Variants in FOXN2 observed in about 807,000 individuals in gnomAD.
FOXN2 encodes the protein forkhead box protein N2.
FOXN2 carries 19 observed loss-of-function variants against 41.2 expected under a neutral mutation model. The ratio of observed to expected loss-of-function variants is 0.46; its 90% CI spans 0.32 to 0.68. The LOEUF (loss-of-function observed/expected upper bound fraction) is 0.68, where lower values mean the gene tolerates loss of function less well. Among genes scored for constraint, FOXN2 ranks in the 30% least tolerant of loss-of-function variants. The pLI is 0.03. For synonymous variants in FOXN2, 195 were observed against 176.8 expected (o/e 1.10, Z -0.82); for missense variants, 587 against 509.4 (o/e 1.15, Z -1.47).
rs1454492535 is a variant in FOXN2, at chr2:48,377,948, T to A, written c.*2505T>A. The A allele has an allele frequency of 6.6e-6, 1 of 152,036 alleles. No homozygotes were observed. The highest frequency in any genetic ancestry group is 1.5e-5 in the Non-Finnish European group (1 of 67,894). 9.4% of individuals were successfully genotyped at this position (152,036 alleles called of 1,614,324 possible). A position where few individuals can be genotyped will look rare whatever the true frequency, so the allele number is the denominator to read the frequency against. ...GGCCTGGAAATTGTATTCCCTATAA[T>A]ATACAAATTTTCCTGTAATAAAGTC... is the stretch of plus-strand genomic sequence containing the variant. On this transcript the variant is annotated 3_prime_UTR_variant, in exon 7 of 7. Transcript: ENST00000340553.
Position 48,365,642 on chromosome 2 carries a change from T to A in FOXN2, c.703+2935T>A, listed in dbSNP as rs1045807810. 2.0e-5 allele frequency among the ~76,000 whole-genome samples: 3 copies of A among 152,324 alleles called. No homozygotes were observed. In the East Asian group the frequency reaches 5.8e-4, roughly 29 times the overall value. Reference sequence around the variant, plus strand: ...TTCTTCATCTAATGACTTGTACGTATTATGCATCATCTGTCTAGTGCTACC... The same window carrying A: ...TTCTTCATCTAATGACTTGTACGTAATATGCATCATCTGTCTAGTGCTACC... On this transcript the variant is annotated intron_variant, in intron 5 of 6. Transcript: ENST00000340553.
chr2:48,369,674 C>A (rs567912796), intron 5 of FOXN2, among the ~76,000 whole-genome samples: 56 of 152,080 alleles, frequency 3.7e-4, no homozygotes, highest in African/African-American at 1.2e-3. Flanking sequence ...TTTACCGTCA[C>A]CTTCCTCTTT....
chr2:48,350,262 T>C (rs776405789), intron 3 of FOXN2, among the ~76,000 whole-genome samples: 16 of 152,348 alleles, frequency 1.1e-4, no homozygotes, highest in Admixed American at 2.6e-4. Context: ...ATTCCCATTA[T>C]GGTGGAGAAA....
At chr2:48,374,778 C>T in intron 6 of FOXN2, 142 bp from the exon 7 acceptor site, 2 of 682,786 alleles carry the variant, frequency 2.9e-6, no homozygotes, top group Non-Finnish European at 4.9e-6. Context: ...ATGATGTGAT[C>T]TGGGTAAAAA....
chr2:48,377,587 A>T lies in FOXN2; in HGVS notation c.*2144A>T, dbSNP rs934468511. On this transcript the variant is annotated 3_prime_UTR_variant, in exon 7 of 7. Transcript: ENST00000340553. ...TTTTGTCTTGATGTATGTAACAGTA[A>T]TTCTTTACATCTTTTGATTTTTCTC... is the stretch of plus-strand genomic sequence containing the variant. 6.6e-6 allele frequency: 1 copy of T among 152,000 alleles called. No individual in the cohort carries two copies. Among genetic ancestry groups the T allele is most frequent in the Non-Finnish European group, 1.5e-5 (1 of 67,886 alleles). The allele number at this position is 152,000 out of a possible 1,614,324, so 9.4% of individuals were successfully genotyped here.
In FOXN2 at chr2:48,346,540, C is replaced by T. The variant is rs754529520; in HGVS notation, c.326C>T (p.Ala109Val). 1.7e-5 allele frequency: 27 copies of T among 1,613,200 alleles called. No homozygotes were observed. The highest frequency in any genetic ancestry group is 4.5e-5 in the East Asian group (2 of 44,892). ...ACYQNPEKKS[A>V]TSKPPYSFSL... ...TACCAGAACCCAGAAAAAAAATCAG[C>T]GACTTCAAAGCCCCCATACTCCTTT... is the stretch of plus-strand genomic sequence containing the variant. Residue 109 changes from alanine to valine, a missense_variant, in exon 3 of 7, where the codon GCG (alanine) becomes GTG (valine). Physicochemically the swap from Ala to Val is moderately conservative, Grantham distance 64. Transcript: ENST00000340553.
intron 2 of FOXN2, among the ~76,000 whole-genome samples, chr2:48,333,342 C>T (rs1420026548): frequency 6.6e-6 from 1 of 151,972 alleles, no homozygotes; most frequent in Non-Finnish European, 1.5e-5. Context: ...AATACTTTAG[C>T]TTTAGCATTT....
chr2:48,327,291 C>A (rs976792994), intron 1 of FOXN2, among the ~76,000 whole-genome samples: 1 of 152,142 alleles, frequency 6.6e-6, no homozygotes, highest in Admixed American at 6.6e-5. Context: ...AACATCCACT[C>A]ACTTGCTAAC....
At chr2:48,353,540 A>G (rs1258501563) in intron 3 of FOXN2, among the ~76,000 whole-genome samples, 1 of 147,920 alleles carries the variant, frequency 6.8e-6, no homozygotes, top group Non-Finnish European at 1.5e-5. Context: ...TTAGTAGAAT[A>G]GTCACTTAAG....
chr2:48,341,931 GAATATAA>G, intron 2 of FOXN2, among the ~76,000 whole-genome samples: 1 of 152,330 alleles, frequency 6.6e-6, no homozygotes, highest in South Asian at 2.1e-4. Flanking sequence ...GCTGTACTAA[GAATATAA>G]GAGGTGGCTT....
chr2:48,361,591 G>A (rs915270954), intron 4 of FOXN2, among the ~76,000 whole-genome samples: 1 of 152,142 alleles, frequency 6.6e-6, no homozygotes, highest in East Asian at 1.9e-4. Flanking sequence ...AGTTCCATCT[G>A]ACATGCTTTT....
At chr2:48,373,457 C>T (rs1673039281) in intron 6 of FOXN2, 97 bp downstream of exon 6, 1 of 700,078 alleles carries the variant, frequency 1.4e-6, no homozygotes, top group African/African-American at 1.9e-5. Flanking sequence ...TTACTTCTTT[C>T]CAACCAAATT....
chr2:48,324,127 A>C (rs950349673), intron 1 of FOXN2, among the ~76,000 whole-genome samples: 1 of 152,178 alleles, frequency 6.6e-6, no homozygotes, highest in Non-Finnish European at 1.5e-5. Flanking sequence ...TGAAAAGGTC[A>C]CAAAGTAGAA....
intron 2 of FOXN2, among the ~76,000 whole-genome samples, chr2:48,337,332 T>A (rs1670433309): frequency 6.6e-6 from 1 of 151,776 alleles, no homozygotes; most frequent in Non-Finnish European, 1.5e-5. Context: ...TTGTCTCCCT[T>A]TGTTGCTTAG....
At chr2:48,319,616 C>CTTT (rs35143943) in intron 1 of FOXN2, among the ~76,000 whole-genome samples, 110 of 133,914 alleles carry the variant, frequency 8.2e-4, no homozygotes, top group South Asian at 2.9e-3. Flanking sequence ...TATTTAAATT[C>CTTT]TTTTTTTTTT....
At chr2:48,313,906 C>G (rs1031927453), upstream of FOXN2, among the ~76,000 whole-genome samples, 1 of 152,186 alleles carries the variant, frequency 6.6e-6, no homozygotes, top group Non-Finnish European at 1.5e-5. Flanking sequence ...TAAATGAGCT[C>G]TCCTGTATTT....
Position 48,377,534 on chromosome 2 carries a change from C to A in FOXN2, c.*2091C>A, listed in dbSNP as rs1408190071. 6.6e-6 allele frequency: 1 copy of A among 151,962 alleles called. No homozygotes were observed. The highest frequency in any genetic ancestry group is 1.5e-5 in the Non-Finnish European group (1 of 67,888). 9.4% of individuals were successfully genotyped at this position (151,962 alleles called of 1,614,324 possible). A position where few individuals can be genotyped will look rare whatever the true frequency, so the allele number is the denominator to read the frequency against. The stretch of plus-strand genomic sequence containing the variant: ...AAAGGAAAGAGAAGCAGAGTTAGTT[C>A]CAGCTCTAATAGGGATCTTCAAAGT... On this transcript the variant is annotated 3_prime_UTR_variant, in exon 7 of 7. Coordinates refer to ENST00000340553, the MANE Select transcript of FOXN2 (RefSeq NM_002158.4).
In FOXN2 at chr2:48,376,071, G is replaced by T. The variant is rs961831247; in HGVS notation, c.*628G>T. 3.9e-5 allele frequency: 6 copies of T among 152,178 alleles called. No homozygotes were observed. The highest frequency in any genetic ancestry group is 1.2e-4 in the African/African-American group (5 of 41,438). The allele number at this position is 152,178 out of a possible 1,614,324, so 9.4% of individuals were successfully genotyped here. A position where few individuals can be genotyped will look rare whatever the true frequency, so the allele number is the denominator to read the frequency against. ...TCTAAGACTTAGAAAAGACAATTTT[G>T]TGGTGTCATTTCATCCAAGAACACT... On this transcript the variant is annotated 3_prime_UTR_variant, in exon 7 of 7. Transcript: ENST00000340553.
At chr2:48,359,254 G>T in intron 4 of FOXN2, 107 bp downstream of exon 4, 1 of 778,726 alleles carries the variant, frequency 1.3e-6, no homozygotes. Flanking sequence ...ATTGTATAAA[G>T]AAGTATTTAT....
Sources: allele counts gnomAD v4.1 joint callset (sites outside exome capture counted in the v4.1 genomes callset), GRCh38; gene constraint gnomAD v4.1.1; transcripts MANE v1.5; gene names NCBI Gene and HGNC (gene_info 2026-07-23, HGNC 2026-07-21).